The following LIG4 variants were observed in gnomAD, a reference collection of about 807,000 sequenced individuals.
LIG4 encodes DNA joinase.
Under a neutral mutation model 19.0 loss-of-function variants are expected in LIG4, and 13 were observed. The ratio of observed to expected loss-of-function variants is 0.68; its 90% CI spans 0.44 to 1.09. LIG4 has a LOEUF of 1.09. Among genes scored for constraint, LIG4 ranks in the 50% least tolerant of loss-of-function variants. LIG4 has a pLI of 0.00. For synonymous variants in LIG4, 361 were observed against 358.2 expected, an observed-to-expected ratio of 1.01 and a Z score of -0.09; for missense variants, 1,026 against 1,089.7, an observed-to-expected ratio of 0.94 and a Z score of 0.82.
upstream of LIG4, among the ~76,000 whole-genome samples, chr13:108,217,693 A>C (rs1192768276): frequency 2.0e-5 from 3 of 151,842 alleles, no homozygotes; most frequent in East Asian, 1.9e-4. Context: ...GCGAGGCTCC[A>C]TCTCAAAAGG....
chr13:108,216,530 A>G (rs36219965), upstream of LIG4, among the ~76,000 whole-genome samples: 58 of 152,332 alleles, frequency 3.8e-4, no homozygotes, highest in African/African-American at 1.4e-3. Context: ...GCCCAAGAAC[A>G]TTCAGTTATT....
chr13:108,209,787 A>G lies in LIG4; in HGVS notation c.1482T>C (p.Gly494=), dbSNP rs756077466. The G allele has an allele frequency of 1.2e-6, 2 of 1,613,974 alleles. No homozygotes were observed. Among genetic ancestry groups the G allele is most frequent in the South Asian group, 1.1e-5 (1 of 91,086 alleles). Residue 494 remains glycine (G), a synonymous_variant, in exon 3 of 3, where the codon GGT becomes GGC. Coordinates refer to ENST00000442234, the MANE Select transcript of LIG4 (RefSeq NM_206937.2). The part of the protein sequence containing the change: ...LCAVAEKPPP[G]EKPSVFHTLS... Reference sequence around the variant, plus strand: ...GAGTATGAAACACAGATGGCTTCTCACCAGGAGGGGGCTTCTCTGCTACTG... The same window carrying G: ...GAGTATGAAACACAGATGGCTTCTCGCCAGGAGGGGGCTTCTCTGCTACTG...
chr13:108,216,920 T>G (rs745867542), upstream of LIG4, among the ~76,000 whole-genome samples: 3 of 152,254 alleles, frequency 2.0e-5, no homozygotes, highest in Non-Finnish European at 4.4e-5. Context: ...TTTTTTTCAC[T>G]AAGTATCTTC....
rs749081909 is a variant in LIG4, at chr13:108,209,325, G to T, written c.1944C>A (p.Asn648Lys). The T allele has an allele frequency of 3.1e-6, 5 of 1,613,976 alleles. No homozygotes were observed. In the South Asian group the frequency reaches 4.4e-5, roughly 14 times the overall value. ...IGIIEHLKAP[N>K]LTNVNKISNI... ...TAGAAATTTTGTTAACGTTAGTAAG[G>T]TTAGGTGCTTTTAAGTGCTCAATAA... The change falls in exon 3 of 3, where the codon AAC (asparagine) becomes AAA (lysine). Residue 648 changes from asparagine to lysine, a missense_variant. Physicochemically the swap from Asn to Lys is moderately conservative, Grantham distance 94. This residue lies in a region of LIG4 where 521 missense variants were observed against 515.5 expected (regional missense o/e 1.01). Transcript: ENST00000442234.
intron 2 of LIG4, among the ~76,000 whole-genome samples, 161 bp downstream of exon 2, chr13:108,214,377 T>G (rs1227380007): frequency 6.6e-6 from 1 of 152,062 alleles, no homozygotes; most frequent in East Asian, 1.9e-4. Context: ...AGACCAAGTG[T>G]AAGAAGAGAA....
chr13:108,211,369 C>G, intron 2 of LIG4, 73 bp from the exon 3 acceptor site: 1 of 868,068 alleles, frequency 1.2e-6, no homozygotes, highest in South Asian at 1.4e-5. Flanking sequence ...AAAGATCTTA[C>G]AAAGATCACT....
At chr13:108,213,262 G>C (rs111263337) in intron 2 of LIG4, among the ~76,000 whole-genome samples, 4,600 of 152,242 alleles carry the variant, frequency 0.03, 238 homozygotes, top group African/African-American at 0.11. Flanking sequence ...GGAGTAAACA[G>C]GGTACACAAT....
Position 108,209,720 on chromosome 13 carries a change from C to A in LIG4, c.1549G>T (p.Asp517Tyr). ...GSGCTMKELY[D>Y]LGLKLAKYWK... The stretch of plus-strand genomic sequence containing the variant: ...TACTTGGCCAATTTCAAACCCAGAT[C>A]ATACAGTTCTTTCATGGTGCAGCCA... The change falls in exon 3 of 3, where the codon GAT (aspartate) becomes TAT (tyrosine). Residue 517 changes from aspartate (D) to tyrosine (Y), a missense_variant. Asp to Tyr is a radical substitution (Grantham distance 160). This residue lies in a region of LIG4 where 521 missense variants were observed against 515.5 expected (regional missense o/e 1.01). Transcript: ENST00000442234. 6.2e-6 allele frequency: 10 copies of A among 1,614,106 alleles called. No homozygotes were observed. Among genetic ancestry groups the A allele is most frequent in the Non-Finnish European group, 8.5e-6 (10 of 1,180,014 alleles).
At position 108,209,340 on chromosome 13, in the gene LIG4, G is replaced by C; in HGVS notation, c.1929C>G (p.His643Gln). Reference sequence around the variant, plus strand: ...CGTTAGTAAGGTTAGGTGCTTTTAAGTGCTCAATAATTCCAATAACTTTCT... The same window carrying C: ...CGTTAGTAAGGTTAGGTGCTTTTAACTGCTCAATAATTCCAATAACTTTCT... Reference protein sequence around the residue: ...KMKKVIGIIEHLKAPNLTNVN... With the variant: ...KMKKVIGIIEQLKAPNLTNVN... Residue 643 changes from histidine (H) to glutamine (Q), a missense_variant, in exon 3 of 3, where the codon CAC (histidine) becomes CAG (glutamine). Physicochemically the swap from His to Gln is conservative, Grantham distance 24 (BLOSUM62 0). Coordinates refer to ENST00000442234, the MANE Select transcript of LIG4 (RefSeq NM_206937.2). 2.5e-6 allele frequency: 4 copies of C among 1,614,078 alleles called. No homozygotes were observed. The highest frequency in any genetic ancestry group is 3.4e-6 in the Non-Finnish European group (4 of 1,179,974).
chr13:108,212,191 A>G (rs1280513108), intron 2 of LIG4, among the ~76,000 whole-genome samples: 3 of 150,466 alleles, frequency 2.0e-5, no homozygotes, highest in African/African-American at 7.5e-5. Flanking sequence ...AAAAAAAAAA[A>G]AGAAAAAAAA....
At chr13:108,217,517 T>G (rs1277831090), upstream of LIG4, among the ~76,000 whole-genome samples, 1 of 150,806 alleles carries the variant, frequency 6.6e-6, no homozygotes, top group African/African-American at 2.4e-5. Context: ...CGAAACTCCG[T>G]CTCAAAACAG....
In LIG4 at chr13:108,211,241, C is replaced by A; in HGVS notation, c.28G>T (p.Val10Phe). MAASQTSQTVASHVPFADLC... is the reference protein window; with the variant it reads MAASQTSQTFASHVPFADLC... The stretch of plus-strand genomic sequence containing the variant: ...TCTGCAAAAGGAACGTGAGATGCAA[C>A]AGTTTGTGAAGTTTGTGAGGCAGCC... The change falls in exon 3 of 3, where the codon GTT (valine) becomes TTT (phenylalanine). Residue 10 changes from valine (V) to phenylalanine (F), a missense_variant. By Grantham distance (50) the Val-to-Phe change is conservative. This residue lies in a region of LIG4 where 493 missense variants were observed against 544.5 expected (regional missense o/e 0.91). Coordinates refer to ENST00000442234, the MANE Select transcript of LIG4 (RefSeq NM_206937.2). The A allele has an allele frequency of 6.2e-7, 1 of 1,612,710 alleles. No individual in the cohort carries two copies. Among genetic ancestry groups the A allele is most frequent in the Non-Finnish European group, 8.5e-7 (1 of 1,179,858 alleles).
chr13:108,209,117 GTTTA>G lies in LIG4; in HGVS notation c.2148_2151del (p.Lys717MetfsTer10), dbSNP rs754546751. 3 of 1,614,122 alleles carry G rather than the reference GTTTA, an allele frequency of 1.9e-6. No homozygotes were observed. Among genetic ancestry groups the G allele is most frequent in the Non-Finnish European group, 1.7e-6 (2 of 1,179,990 alleles). ...AGCCATGCAGGCTTGACAACATCAT[GTTTA>G]TTTGACAAAATTATGTTTTTCACTC... On this transcript the variant is annotated frameshift_variant, in exon 3 of 3. Transcript: ENST00000442234. LOFTEE classifies it low-confidence loss of function (END_TRUNC).
Position 108,210,385 on chromosome 13 carries a change from CCATTT to C in LIG4, c.879_883del (p.Asn294IlefsTer2), listed in dbSNP as rs751070095. The stretch of plus-strand genomic sequence containing the variant: ...ACCAAACTGATCAGTGTAGTTATAT[CCATTT>C]CGAGAGAAGTATTTATATACATCTC... On this transcript the variant is annotated frameshift_variant, in exon 3 of 3. Transcript: ENST00000442234. LOFTEE classifies it low-confidence loss of function (END_TRUNC). 4 of 1,613,800 alleles carry C rather than the reference CCATTT, an allele frequency of 2.5e-6. No homozygotes were observed. In the Admixed American group the frequency reaches 6.7e-5, roughly 27 times the overall value.
rs780588115 is a variant in LIG4, at chr13:108,209,316, G to A, written c.1953C>T (p.Asn651=). 42 of 1,613,866 alleles carry A rather than the reference G, an allele frequency of 2.6e-5. No individual in the cohort carries two copies. The highest frequency in any genetic ancestry group is 4.4e-5 in the South Asian group (4 of 91,082). The change falls in exon 3 of 3, where the codon AAC becomes AAT. Residue 651 remains asparagine (N), a synonymous_variant. Coordinates refer to ENST00000442234, the MANE Select transcript of LIG4 (RefSeq NM_206937.2). ...CAAATATATTAGAAATTTTGTTAAC[G>A]TTAGTAAGGTTAGGTGCTTTTAAGT... ...IEHLKAPNLT[N]VNKISNIFED...
Position 108,208,505 on chromosome 13 carries a change from G to C in LIG4, c.*28C>G. 1 of 1,433,052 alleles carries C rather than the reference G, an allele frequency of 7.0e-7. No individual in the cohort carries two copies. Among genetic ancestry groups the C allele is most frequent in the Non-Finnish European group, 9.8e-7 (1 of 1,018,250 alleles). The allele number at this position is 1,433,052 out of a possible 1,614,324, so 88.8% of individuals were successfully genotyped here. A position where few individuals can be genotyped will look rare whatever the true frequency, so the allele number is the denominator to read the frequency against. ...CTGCTGCAATGAGTCTGCCAGATCA[G>C]AGGCTTTCCTCACTAGGAAACCTAG... On this transcript the variant is annotated 3_prime_UTR_variant, in exon 3 of 3. Transcript: ENST00000442234.
Position 108,208,782 on chromosome 13 carries a change from C to T in LIG4, c.2487G>A (p.Leu829=). 1 of 1,614,102 alleles carries T rather than the reference C, an allele frequency of 6.2e-7. No individual in the cohort carries two copies. Among genetic ancestry groups the T allele is most frequent in the East Asian group, 2.2e-5 (1 of 44,878 alleles). The part of the protein sequence containing the change: ...YLDSYAVIND[L]STKNEGTRLA... Reference sequence around the variant, plus strand: ...ACCTTGTCCCCTCATTTTTGGTACTCAGGTCATTAATAACAGCATACGAGT... The same window carrying T: ...ACCTTGTCCCCTCATTTTTGGTACTTAGGTCATTAATAACAGCATACGAGT... The change falls in exon 3 of 3, where the codon CTG becomes CTA. Residue 829 remains leucine (L), a synonymous_variant. Coordinates refer to ENST00000442234, the MANE Select transcript of LIG4 (RefSeq NM_206937.2).
rs1329293559 is a variant in LIG4, at chr13:108,208,015, AT to A, written c.*517del. 1.3e-5 allele frequency: 2 copies of A among 152,498 alleles called. No homozygotes were observed. Among genetic ancestry groups the A allele is most frequent in the East Asian group, 3.8e-4 (2 of 5,214 alleles). The allele number at this position is 152,498 out of a possible 1,614,324, so 9.4% of individuals were successfully genotyped here. ...ATTTGGCCTTAACCTTAAAAAACAA[AT>A]TTGTTTACATTTCATATTTAAATGG... is the stretch of plus-strand genomic sequence containing the variant. On this transcript the variant is annotated 3_prime_UTR_variant, in exon 3 of 3. Transcript: ENST00000442234.
At chr13:108,211,417 AAAG>A in intron 2 of LIG4, 121 bp from the exon 3 acceptor site, 4 of 691,212 alleles carry the variant, frequency 5.8e-6, no homozygotes, top group African/African-American at 1.8e-5. Flanking sequence ...TTACTAAAAA[AAAG>A]ATCAATGCTC....
Sources: allele counts gnomAD v4.1 joint callset (sites outside exome capture counted in the v4.1 genomes callset), GRCh38; gene constraint gnomAD v4.1.1; regional missense constraint gnomAD v4.1.1; transcripts MANE v1.5; gene names NCBI Gene and HGNC (gene_info 2026-07-23, HGNC 2026-07-21).